PACRGL: variants seen among roughly 807,000 people sequenced by gnomAD.
PACRGL encodes the protein parkin coregulated like.
A neutral mutation model predicts 34.5 loss-of-function variants in PACRGL; 38 were observed. That is an observed-to-expected ratio of 1.10 (90% CI 0.85 to 1.44). PACRGL has a LOEUF of 1.44. Ranked by LOEUF, PACRGL falls within the 40% of genes most tolerant of loss-of-function variation. PACRGL has a pLI of 0.00. For missense variants in PACRGL, 305 were observed against 281.4 expected, an observed-to-expected ratio of 1.08 and a Z score of -0.60; for synonymous variants, 128 against 100.1, an observed-to-expected ratio of 1.28 and a Z score of -1.66.
chr4:20,697,253 T>G (rs978650519), upstream of PACRGL, among the ~76,000 whole-genome samples: 22 of 152,334 alleles, frequency 1.4e-4, no homozygotes, highest in African/African-American at 5.1e-4. Context: ...ATGATAGGAC[T>G]TGGGAATAAT....
intron 7 of PACRGL, among the ~76,000 whole-genome samples, chr4:20,720,860 C>G (rs1182124580): frequency 1.3e-5 from 2 of 152,078 alleles, no homozygotes; most frequent in Non-Finnish European, 2.9e-5. Flanking sequence ...TCCTGAATTT[C>G]AATGTTGGCC....
intron 8 of PACRGL, among the ~76,000 whole-genome samples, chr4:20,740,964 A>C (rs981854921): frequency 1.3e-5 from 2 of 152,190 alleles, no homozygotes; most frequent in Non-Finnish European, 2.9e-5. Flanking sequence ...AAAGATCAAA[A>C]CAGACAAAGA....
chr4:20,718,858 G>A (rs1741497804), intron 7 of PACRGL: 1 of 152,220 alleles, frequency 6.6e-6, no homozygotes, highest in Admixed American at 6.5e-5. Flanking sequence ...AATGAGTTAG[G>A]GAGGATTCCC....
chr4:20,725,757 T>G (rs1745376302), intron 8 of PACRGL, among the ~76,000 whole-genome samples: 1 of 151,890 alleles, frequency 6.6e-6, no homozygotes, highest in Admixed American at 6.6e-5. Context: ...AATGAGTTGT[T>G]TGATTGATTA....
chr4:20,764,624 C>A, the PACRGL span, among the ~76,000 whole-genome samples: 1 of 151,386 alleles, frequency 6.6e-6, no homozygotes, highest in Non-Finnish European at 1.5e-5. Flanking sequence ...GCCACCGCAG[C>A]TTTATGAGAA....
chr4:20,749,933 A>G (rs547527724), intron 8 of PACRGL, among the ~76,000 whole-genome samples: 4 of 152,316 alleles, frequency 2.6e-5, no homozygotes, highest in African/African-American at 7.2e-5. Flanking sequence ...CATAGAGGCC[A>G]TTGGTGACAA....
the PACRGL span, among the ~76,000 whole-genome samples, chr4:20,764,823 T>C: frequency 2.0e-5 from 3 of 152,148 alleles, no homozygotes; most frequent in Non-Finnish European, 4.4e-5. Context: ...TAAAGCAATT[T>C]GCCTGTTTTT....
At chr4:20,713,100 A>C in intron 6 of PACRGL, 178 bp downstream of exon 6, 1 of 611,174 alleles carries the variant, frequency 1.6e-6, no homozygotes, top group Non-Finnish European at 2.6e-6. Context: ...AGATAACTAC[A>C]TACTTGAAGA....
At chr4:20,740,707 C>G (rs1750852362) in intron 8 of PACRGL, among the ~76,000 whole-genome samples, 1 of 152,132 alleles carries the variant, frequency 6.6e-6, no homozygotes, top group Admixed American at 6.6e-5. Flanking sequence ...ATGACAGGAT[C>G]AAATTCACAC....
chr4:20,721,332 G>A (rs1743052556), intron 7 of PACRGL, among the ~76,000 whole-genome samples: 1 of 152,158 alleles, frequency 6.6e-6, no homozygotes, highest in African/African-American at 2.4e-5. Context: ...CCTCGTCAAA[G>A]TCATTCTCCG....
chr4:20,754,628 G>A (rs2149351210), downstream of PACRGL, among the ~76,000 whole-genome samples: 1 of 152,156 alleles, frequency 6.6e-6, no homozygotes, highest in Middle Eastern at 3.4e-3. Context: ...TGCCTCATGT[G>A]GTCAGATTTC....
Position 20,704,804 on chromosome 4 carries a change from CAATT to C in PACRGL, c.201_204del (p.Asn68ArgfsTer30), listed in dbSNP as rs755076133. ...CCAAGTGATAAACTGAACCCTAAAA[CAATT>C]AATCCGGTAGGTCCAAAACTATTCC... On this transcript the variant is annotated frameshift_variant, in exon 3 of 9. Coordinates refer to ENST00000503585, the MANE Select transcript of PACRGL (RefSeq NM_001258345.3). LOFTEE classifies it high-confidence loss of function. 46 of 1,613,840 alleles carry C rather than the reference CAATT, an allele frequency of 2.9e-5. No homozygotes were observed. The highest frequency in any genetic ancestry group is 4.5e-5 in the East Asian group (2 of 44,874).
In PACRGL at chr4:20,704,534, G is replaced by T; in HGVS notation, c.52+1G>T. 1.2e-6 allele frequency: 2 copies of T among 1,613,838 alleles called. No individual in the cohort carries two copies. The highest frequency in any genetic ancestry group is 8.5e-7 in the Non-Finnish European group (1 of 1,179,902). ...ACACAGTTGAAAAACAGAGCAACAG[G>T]TACAGAGCTTTTGTTTTTAAGTGAA... On this transcript the variant is annotated splice_donor_variant, in intron 2 of 8. Coordinates refer to ENST00000503585, the MANE Select transcript of PACRGL (RefSeq NM_001258345.3). LOFTEE classifies it high-confidence loss of function.
chr4:20,725,361 A>G (rs1745206351), intron 8 of PACRGL, among the ~76,000 whole-genome samples: 1 of 152,026 alleles, frequency 6.6e-6, no homozygotes, highest in Non-Finnish European at 1.5e-5. Flanking sequence ...GTACACACAC[A>G]CACACACACA....
chr4:20,741,588 A>G (rs954670492), intron 8 of PACRGL, among the ~76,000 whole-genome samples: 8 of 152,238 alleles, frequency 5.3e-5, no homozygotes, highest in African/African-American at 1.9e-4. Context: ...AGGGAAATTT[A>G]TAGCACTCAA....
rs1746589527 is a variant in PACRGL at position 20,728,270 on chromosome 4, ATG to A, written c.*933_*934del. 6.6e-6 allele frequency: 1 copy of A among 152,204 alleles called. No individual in the cohort carries two copies. The highest frequency in any genetic ancestry group is 2.4e-5 in the African/African-American group (1 of 41,450). 9.4% of individuals were successfully genotyped at this position (152,204 alleles called of 1,614,324 possible). On this transcript the variant is annotated 3_prime_UTR_variant, in exon 9 of 9. Coordinates refer to ENST00000503585, the MANE Select transcript of PACRGL (RefSeq NM_001258345.3). ...TTAGGTGTTAACTGTATTTAAGTAA[ATG>A]TGTTATTTTTGCATTTCATAGCCAG... is the stretch of plus-strand genomic sequence containing the variant.
chr4:20,712,984 A>G lies in PACRGL; in HGVS notation c.501+62A>G. On this transcript the variant is annotated intron_variant, in intron 6 of 8. Transcript: ENST00000503585. ...ACATGATAGAAAAGAAAGCTGTAATATATTTAGAATATTGTATGCCTTTTT... is the reference window on the plus strand; with the variant it reads ...ACATGATAGAAAAGAAAGCTGTAATGTATTTAGAATATTGTATGCCTTTTT... 2.9e-6 allele frequency: 4 copies of G among 1,386,998 alleles called. No homozygotes were observed. In the South Asian group the frequency reaches 5.3e-5, roughly 18 times the overall value. The allele number at this position is 1,386,998 out of a possible 1,614,324, so 85.9% of individuals were successfully genotyped here.
chr4:20,734,022 A>C (rs1483861762), downstream of PACRGL, among the ~76,000 whole-genome samples: 1 of 152,182 alleles, frequency 6.6e-6, no homozygotes, highest in African/African-American at 2.4e-5. Context: ...ACATAGGCAC[A>C]CTGAGAATGC....
At chr4:20,758,692 G>A in the PACRGL span, 1 of 709,902 alleles carries the variant, frequency 1.4e-6, no homozygotes, top group Non-Finnish European at 2.4e-6. Context: ...ATATACACTT[G>A]CATGCTGTGC....
Sources: allele counts gnomAD v4.1 joint callset (sites outside exome capture counted in the v4.1 genomes callset), GRCh38; gene constraint gnomAD v4.1.1; transcripts MANE v1.5; gene names NCBI Gene and HGNC (gene_info 2026-07-23, HGNC 2026-07-21).